Variants in STAU1 observed in about 807,000 individuals in gnomAD.
STAU1 encodes double-stranded RNA-binding protein Staufen homolog 1.
STAU1 carries 13 observed loss-of-function variants against 62.9 expected under a neutral mutation model. That is an observed-to-expected ratio of 0.21 (90% CI 0.13 to 0.33). The LOEUF (loss-of-function observed/expected upper bound fraction) is 0.33. STAU1 is among the 10% of genes least tolerant of loss of function. The pLI is 1.00. For synonymous variants in STAU1, 269 were observed against 265.1 expected (o/e 1.01, Z -0.14); for missense variants, 571 against 712.1 (o/e 0.80, Z 2.25).
At chr20:49,150,414 T>G (rs1000852917) in intron 5 of STAU1, among the ~76,000 whole-genome samples, 2 of 151,744 alleles carry the variant, frequency 1.3e-5, no homozygotes, top group African/African-American at 2.4e-5. Flanking sequence ...GAGGCTGGAG[T>G]GCAGTGGCAC....
At chr20:49,216,133 T>C in the STAU1 span, among the ~76,000 whole-genome samples, 2 of 150,246 alleles carry the variant, frequency 1.3e-5, no homozygotes, top group Non-Finnish European at 1.5e-5. Context: ...CCCACACCTA[T>C]AGTTCCAGCT....
intron 3 of STAU1, among the ~76,000 whole-genome samples, chr20:49,158,215 G>A (rs1373882967): frequency 1.3e-5 from 2 of 152,124 alleles, no homozygotes; most frequent in African/African-American, 4.8e-5. Context: ...CCGGGAGGTT[G>A]CGGTTGCAGT....
At position 49,182,597 on chromosome 20, in the gene STAU1, G is replaced by C. The variant is rs138327605; in HGVS notation, c.-160+5519C>G. ...CTCACGCCTGTAATCCCAGCACTTC[G>C]GGAGGCCGAGGTGGGCGGATCACAA... On this transcript the variant is annotated intron_variant, in intron 1 of 13. Transcript: ENST00000371856. 4.4e-3 allele frequency among the ~76,000 whole-genome samples: 674 copies of C among 152,318 alleles called. 7 individuals carry two copies. The highest frequency in any genetic ancestry group is 0.016 in the African/African-American group (647 of 41,572).
chr20:49,128,509 G>C (rs537427642), intron 6 of STAU1, among the ~76,000 whole-genome samples: 1 of 152,146 alleles, frequency 6.6e-6, no homozygotes, highest in Non-Finnish European at 1.5e-5. Context: ...ATTTCTATTA[G>C]AAATTTATGT....
chr20:49,208,659 G>A, the STAU1 span, among the ~76,000 whole-genome samples: 16 of 148,766 alleles, frequency 1.1e-4, 1 homozygote, highest in Middle Eastern at 3.5e-3. Flanking sequence ...TCGCTCTGTC[G>A]CCCAGATTGG....
chr20:49,137,091 T>C (rs1004976168), intron 5 of STAU1, among the ~76,000 whole-genome samples: 3 of 152,084 alleles, frequency 2.0e-5, no homozygotes, highest in Non-Finnish European at 4.4e-5. Context: ...TTGAGCCCAA[T>C]AGTTCAAGGC....
At chr20:49,186,993 G>C (rs1284764715) in intron 1 of STAU1, among the ~76,000 whole-genome samples, 2 of 152,068 alleles carry the variant, frequency 1.3e-5, no homozygotes, top group Non-Finnish European at 2.9e-5. Context: ...GGCTTAAAAG[G>C]AAAGTCAGCC....
intron 5 of STAU1, among the ~76,000 whole-genome samples, chr20:49,145,423 CAAAAAAAAAAAAAA>C (rs35023867): frequency 1.2e-4 from 5 of 40,148 alleles, no homozygotes; most frequent in Non-Finnish European, 1.6e-4. Flanking sequence ...GACTCCGTCT[CAAAAAAAAAAAAAA>C]AAAAAAAAAA....
At chr20:49,196,775 G>C in the STAU1 span, among the ~76,000 whole-genome samples, 27 of 66,354 alleles carry the variant, frequency 4.1e-4, no homozygotes, top group Non-Finnish European at 8.2e-4. Context: ...GTCTCAAAAA[G>C]GAAAAAAAGA....
At chr20:49,145,301 G>C (rs1489710700) in intron 5 of STAU1, among the ~76,000 whole-genome samples, 1 of 151,504 alleles carries the variant, frequency 6.6e-6, no homozygotes, top group East Asian at 1.9e-4. Context: ...GCACGCACCT[G>C]TAGTCCCAGC....
intron 6 of STAU1, among the ~76,000 whole-genome samples, chr20:49,126,120 C>T (rs2092606753): frequency 6.6e-6 from 1 of 151,502 alleles, no homozygotes; most frequent in Non-Finnish European, 1.5e-5. Context: ...ACAGGCGAGT[C>T]TTCATGACTT....
intron 3 of STAU1, chr20:49,158,576 A>C: frequency 8.7e-7 from 1 of 1,145,116 alleles, no homozygotes; most frequent in Non-Finnish European, 1.2e-6. Context: ...TTGGGAGGCC[A>C]AGGCAGGCAG....
At position 49,115,482 on chromosome 20, in the gene STAU1, G is replaced by C. The variant is rs369941262; in HGVS notation, c.1718+300C>G. 9.9e-5 allele frequency among the ~76,000 whole-genome samples: 15 copies of C among 152,126 alleles called. 1 individual carries two copies. The highest frequency in any genetic ancestry group is 8.3e-4 in the South Asian group (4 of 4,812). On this transcript the variant is annotated intron_variant, in intron 13 of 13. Transcript: ENST00000371856. ...CACCTGGCTAATTTTTGTATTTTTA[G>C]TAGAGACAGGGTTTCACCATCTTGG...
At chr20:49,140,536 A>T (rs1249524275) in intron 5 of STAU1, among the ~76,000 whole-genome samples, 1 of 152,188 alleles carries the variant, frequency 6.6e-6, no homozygotes, top group Non-Finnish European at 1.5e-5. Flanking sequence ...CATTACAGTA[A>T]GTAACATAAG....
intron 5 of STAU1, 115 bp downstream of exon 5, chr20:49,151,466 TA>T: frequency 8.9e-7 from 1 of 1,122,224 alleles, no homozygotes; most frequent in Non-Finnish European, 1.2e-6. Context: ...GGCATTCAAA[TA>T]AAAATTATGG....
chr20:49,151,604 T>G lies in STAU1; in HGVS notation c.488A>C (p.Glu163Ala). The change falls in exon 5 of 14, where the codon GAG becomes GCG. Residue 163 changes from glutamate (E) to alanine (A), a missense_variant. Physicochemically the swap from Glu to Ala is moderately radical, Grantham distance 107. Transcript: ENST00000371856. ...CACCTCCAGCCTCTCTGGCAGGGGC[T>G]CATTCTGCAGGATCCTCAACGCTTT... ...AAKALRILQN[E>A]PLPERLEVNG... 1 of 1,608,934 alleles carries G rather than the reference T, an allele frequency of 6.2e-7. No homozygotes were observed. Among genetic ancestry groups the G allele is most frequent in the East Asian group, 2.2e-5 (1 of 44,494 alleles).
the STAU1 span, among the ~76,000 whole-genome samples, chr20:49,217,472 G>C: frequency 6.6e-6 from 1 of 152,032 alleles, no homozygotes; most frequent in Non-Finnish European, 1.5e-5. Context: ...AAAGAACCAA[G>C]AACAAAAACT....
chr20:49,136,632 C>T (rs905782655), intron 5 of STAU1, among the ~76,000 whole-genome samples: 4 of 152,000 alleles, frequency 2.6e-5, no homozygotes, highest in East Asian at 1.9e-4. Flanking sequence ...ATATGTGGGA[C>T]GTGGCAAATT....
chr20:49,154,389 T>C (rs2093321568), intron 3 of STAU1, among the ~76,000 whole-genome samples: 1 of 152,218 alleles, frequency 6.6e-6, no homozygotes, highest in Non-Finnish European at 1.5e-5. Flanking sequence ...AATTTCACGA[T>C]TAAAAAATCC....
Sources: allele counts gnomAD v4.1 joint callset (sites outside exome capture counted in the v4.1 genomes callset), GRCh38; gene constraint gnomAD v4.1.1; transcripts MANE v1.5; gene names NCBI Gene and HGNC (gene_info 2026-07-23, HGNC 2026-07-21).